The following CDH18 variants were observed in gnomAD, a reference collection of about 807,000 sequenced individuals.
The protein encoded by CDH18 is cadherin 18, also known as cadherin-18.
In CDH18, 31 loss-of-function variants were observed where a neutral mutation model predicts 67.9. The ratio of observed to expected loss-of-function variants is 0.46; its 90% confidence interval spans 0.34 to 0.62. CDH18 has a LOEUF of 0.62. Ranked by LOEUF, CDH18 falls within the 20% of genes least tolerant of loss-of-function variation. CDH18 has a pLI of 0.01. For missense variants in CDH18, 890 were observed against 975.5 expected (o/e 0.91, Z 1.17); for synonymous variants, 362 against 347.2 (o/e 1.04, Z -0.48).
chr5:20,517,357 A>G (rs1755441460), intron 1 of CDH18, among the ~76,000 whole-genome samples: 1 of 151,684 alleles, frequency 6.6e-6, no homozygotes, highest in Non-Finnish European at 1.5e-5. Context: ...GGATATTCCA[A>G]TTAATCTTAT....
At chr5:19,659,469 T>G (rs1354746661) in intron 5 of CDH18, among the ~76,000 whole-genome samples, 1 of 152,282 alleles carries the variant, frequency 6.6e-6, no homozygotes, top group Admixed American at 6.6e-5. Flanking sequence ...GATGTGTCTG[T>G]ATCTGCAGTA....
At chr5:20,499,506 C>T (rs1246041548) in intron 1 of CDH18, among the ~76,000 whole-genome samples, 1 of 152,050 alleles carries the variant, frequency 6.6e-6, no homozygotes, top group Non-Finnish European at 1.5e-5. Flanking sequence ...AAAGTCTTTG[C>T]CTCACAATTC....
At chr5:20,366,777 T>C (rs1177569396) in intron 1 of CDH18, among the ~76,000 whole-genome samples, 1 of 152,172 alleles carries the variant, frequency 6.6e-6, no homozygotes, top group African/African-American at 2.4e-5. Flanking sequence ...ATGGAGTCCA[T>C]GTGTTTGGAT....
At chr5:19,693,101 G>T (rs1283742431) in intron 5 of CDH18, among the ~76,000 whole-genome samples, 1 of 151,494 alleles carries the variant, frequency 6.6e-6, no homozygotes, top group African/African-American at 2.4e-5. Context: ...CAGCCACATG[G>T]ATGAAACTGG....
chr5:19,550,020 T>C (rs1737127061), intron 8 of CDH18, among the ~76,000 whole-genome samples: 1 of 152,108 alleles, frequency 6.6e-6, no homozygotes, highest in African/African-American at 2.4e-5. Context: ...TGATTTCATA[T>C]GACATATTAG....
intron 5 of CDH18, among the ~76,000 whole-genome samples, chr5:19,701,532 G>A (rs1763244711): frequency 6.6e-6 from 1 of 152,054 alleles, no homozygotes; most frequent in Non-Finnish European, 1.5e-5. Context: ...GACCCCTTTG[G>A]TCATAGATCA....
At chr5:20,490,083 T>C (rs1468803312) in intron 1 of CDH18, among the ~76,000 whole-genome samples, 1 of 150,486 alleles carries the variant, frequency 6.6e-6, no homozygotes, top group Non-Finnish European at 1.5e-5. Context: ...AATATAATTG[T>C]TAATATTATT....
At chr5:20,397,800 A>T (rs1261004289) in intron 1 of CDH18, among the ~76,000 whole-genome samples, 1 of 152,128 alleles carries the variant, frequency 6.6e-6, no homozygotes, top group South Asian at 2.1e-4. Context: ...GTGATAGCTC[A>T]CATTCTCTTT....
intron 1 of CDH18, among the ~76,000 whole-genome samples, chr5:20,306,057 GAGAC>G (rs1482908598): frequency 6.6e-6 from 1 of 152,118 alleles, no homozygotes; most frequent in Non-Finnish European, 1.5e-5. Flanking sequence ...CTGAGTAAAA[GAGAC>G]AGTGCGATCA....
Position 20,273,418 on chromosome 5 carries a change from A to T in CDH18, c.-579-17913T>A, listed in dbSNP as rs116144287. 9.8e-3 allele frequency among the ~76,000 whole-genome samples: 1,494 copies of T among 152,114 alleles called. 10 individuals carry two copies. Among genetic ancestry groups the T allele is most frequent in the Non-Finnish European group, 0.015 (990 of 67,898 alleles). On this transcript the variant is annotated intron_variant, in intron 1 of 14. Coordinates refer to the CDH18 transcript ENST00000507958. ...GGCAAGGCAGATAATATGGAAAAATAAATTTGACTCAAGAAGCAATATGAA... is the reference window on the plus strand; with the variant it reads ...GGCAAGGCAGATAATATGGAAAAATTAATTTGACTCAAGAAGCAATATGAA...
At chr5:19,693,077 CCTT>C in intron 5 of CDH18, among the ~76,000 whole-genome samples, 1 of 141,354 alleles carries the variant, frequency 7.1e-6, no homozygotes, top group East Asian at 1.9e-4. Flanking sequence ...ATAATAAAAT[CCTT>C]TTTTTTTTTG....
At chr5:19,748,120 A>AAAAAAAAAAAAAAAAAAAAAAAAT (rs1770338509) in intron 3 of CDH18, among the ~76,000 whole-genome samples, 1 of 142,634 alleles carries the variant, frequency 7.0e-6, no homozygotes, top group African/African-American at 2.5e-5. Context: ...CTCAAAAAAA[A>AAAAAAAAAAAAAAAAAAAAAAAAT]AAAAAAAAAA....
At chr5:20,495,705 T>G (rs933520742) in intron 1 of CDH18, among the ~76,000 whole-genome samples, 1 of 152,134 alleles carries the variant, frequency 6.6e-6, no homozygotes, top group South Asian at 2.1e-4. Flanking sequence ...ACTGTTGGCA[T>G]AATCTCTGTT....
At chr5:20,446,964 G>A (rs575385683) in intron 1 of CDH18, among the ~76,000 whole-genome samples, 10 of 152,156 alleles carry the variant, frequency 6.6e-5, no homozygotes, top group Admixed American at 5.2e-4. Flanking sequence ...AAAATTTCCT[G>A]CCTGTGGCTG....
At chr5:19,707,314 C>A (rs558885657) in intron 5 of CDH18, among the ~76,000 whole-genome samples, 1 of 152,300 alleles carries the variant, frequency 6.6e-6, no homozygotes, top group Non-Finnish European at 1.5e-5. Flanking sequence ...GAAAGCAGGA[C>A]AACCAGTCAC....
intron 1 of CDH18, among the ~76,000 whole-genome samples, chr5:20,568,573 T>G (rs540790704): frequency 1.3e-5 from 2 of 152,076 alleles, no homozygotes; most frequent in Admixed American, 1.3e-4. Flanking sequence ...CAAACTAAAA[T>G]TATTAAATGA....
At chr5:20,433,845 C>T (rs1748960567) in intron 1 of CDH18, among the ~76,000 whole-genome samples, 1 of 151,980 alleles carries the variant, frequency 6.6e-6, no homozygotes, top group African/African-American at 2.4e-5. Context: ...TTTCAGAAAG[C>T]CCACTCAGTA....
At chr5:19,762,759 A>G (rs1772538319) in intron 3 of CDH18, among the ~76,000 whole-genome samples, 1 of 152,162 alleles carries the variant, frequency 6.6e-6, no homozygotes, top group African/African-American at 2.4e-5. Flanking sequence ...TATACACCCA[A>G]AGGATTATAA....
chr5:19,570,584 A>C (rs1485269061), intron 8 of CDH18, among the ~76,000 whole-genome samples: 1 of 152,194 alleles, frequency 6.6e-6, no homozygotes, highest in East Asian at 1.9e-4. Context: ...CAAGGATTTC[A>C]TGGTAAAAAT....
Sources: gnomAD v4.1 joint callset for allele counts (sites outside exome capture counted in the v4.1 genomes callset) on GRCh38, gnomAD v4.1.1 for gene constraint, MANE v1.5 for transcripts, NCBI Gene and HGNC (gene_info 2026-07-23, HGNC 2026-07-21) for gene names.